Variants in TRIP4 observed in about 807,000 individuals in gnomAD.
The protein encoded by TRIP4 is thyroid hormone receptor interactor 4.
A neutral mutation model predicts 81.8 loss-of-function variants in TRIP4; 54 were observed. That is an observed-to-expected ratio of 0.66 (90% confidence interval 0.53 to 0.83). The LOEUF is 0.83. TRIP4 is among the 40% of genes least tolerant of loss of function. The pLI is 0.00. For missense variants in TRIP4, 662 were observed against 683.6 expected (o/e 0.97, Z 0.35); for synonymous variants, 270 against 242.8 (o/e 1.11, Z -1.04).
chr15:64,400,089 G>C (rs566528020), intron 4 of TRIP4, among the ~76,000 whole-genome samples: 1 of 151,342 alleles, frequency 6.6e-6, no homozygotes, highest in East Asian at 2.0e-4. Flanking sequence ...AAGCAACCCA[G>C]TTCTAATCAT....
Position 64,424,084 on chromosome 15 carries a change from C to T in TRIP4, c.1412C>T (p.Ala471Val), listed in dbSNP as rs1374047400. The T allele has an allele frequency of 1.2e-6, 2 of 1,614,110 alleles. No individual in the cohort carries two copies. Among genetic ancestry groups the T allele is most frequent in the Non-Finnish European group, 8.5e-7 (1 of 1,180,028 alleles). ...TPHRGRLWIA[A>V]TAKKPSPQEV... ...CACAGAGGACGACTTTGGATAGCAG[C>T]CACAGCTAAAAAACCCTCCCCTCAA... The change falls in exon 10 of 13, where the codon GCC becomes GTC. Residue 471 changes from alanine to valine, a missense_variant. Coordinates refer to ENST00000261884, the MANE Select transcript of TRIP4 (RefSeq NM_016213.5).
At chr15:64,429,201 C>G (rs948907106) in intron 11 of TRIP4, among the ~76,000 whole-genome samples, 2 of 151,994 alleles carry the variant, frequency 1.3e-5, no homozygotes, top group African/African-American at 4.8e-5. Context: ...CCTGTAATCT[C>G]AGCTTCTGGG....
chr15:64,402,522 CA>C (rs1566973789), intron 5 of TRIP4, among the ~76,000 whole-genome samples: 2 of 140,446 alleles, frequency 1.4e-5, no homozygotes, highest in Admixed American at 1.5e-4. Flanking sequence ...GCCCGGCCAA[CA>C]TTTTTTTTTT....
At chr15:64,410,732 A>G (rs1243097816) in intron 7 of TRIP4, among the ~76,000 whole-genome samples, 4 of 152,156 alleles carry the variant, frequency 2.6e-5, no homozygotes, top group Non-Finnish European at 5.9e-5. Flanking sequence ...AAGATATAAG[A>G]TATTTTAAAT....
intron 12 of TRIP4, among the ~76,000 whole-genome samples, chr15:64,445,511 G>A (rs914504332): frequency 1.0e-4 from 15 of 149,962 alleles, no homozygotes; most frequent in African/African-American, 3.2e-4. Context: ...GTGTGGTGGC[G>A]TGCGCCTGTA....
At chr15:64,435,203 G>A (rs1356737884) in intron 11 of TRIP4, among the ~76,000 whole-genome samples, 1 of 87,212 alleles carries the variant, frequency 1.1e-5, no homozygotes, top group African/African-American at 4.5e-5. Flanking sequence ...GACAGAGTGA[G>A]ACCCCATCTC....
intron 4 of TRIP4, among the ~76,000 whole-genome samples, chr15:64,400,167 G>T (rs1891456566): frequency 6.6e-6 from 1 of 151,334 alleles, no homozygotes; most frequent in African/African-American, 2.4e-5. Flanking sequence ...CAGAAGCCAG[G>T]TATGGTGGCT....
At chr15:64,406,273 G>C (rs1475110727) in intron 5 of TRIP4, 57 bp from the exon 6 acceptor site, 4 of 1,597,420 alleles carry the variant, frequency 2.5e-6, no homozygotes, top group Non-Finnish European at 3.4e-6. Flanking sequence ...TTGCACACTG[G>C]TACAACTAAT....
chr15:64,417,262 T>C (rs1020653124), intron 8 of TRIP4, among the ~76,000 whole-genome samples: 39 of 152,150 alleles, frequency 2.6e-4, no homozygotes, highest in Admixed American at 4.6e-4. Context: ...TCCTCCTGCC[T>C]TGGCCTCCTT....
At chr15:64,408,349 C>A (rs1423235882) in intron 6 of TRIP4, among the ~76,000 whole-genome samples, 1 of 148,056 alleles carries the variant, frequency 6.8e-6, no homozygotes, top group Non-Finnish European at 1.5e-5. Flanking sequence ...AGCTCCGCCC[C>A]CTGGACTCAC....
intron 11 of TRIP4, among the ~76,000 whole-genome samples, chr15:64,435,677 TTAAG>T (rs1892376276): frequency 6.7e-6 from 1 of 150,272 alleles, no homozygotes; most frequent in South Asian, 2.1e-4. Flanking sequence ...CTCTAGATCT[TTAAG>T]TATACTAGAT....
At chr15:64,437,411 C>T (rs1892426110) in intron 11 of TRIP4, among the ~76,000 whole-genome samples, 1 of 151,110 alleles carries the variant, frequency 6.6e-6, no homozygotes, top group Non-Finnish European at 1.5e-5. Context: ...GGTGAGACTC[C>T]ATCTCAAAAA....
chr15:64,422,512 T>C (rs1332143547), intron 9 of TRIP4, among the ~76,000 whole-genome samples: 1 of 152,230 alleles, frequency 6.6e-6, no homozygotes. Flanking sequence ...TCATAGTTCA[T>C]GTCTGTAAAC....
At position 64,387,897 on chromosome 15, in the gene TRIP4, C is replaced by G. The variant is rs758579041; in HGVS notation, c.34C>G (p.Leu12Val). ...AVAGAVSGEP[L>V]VHWCTQQLRK... Reference sequence around the variant, plus strand: ...GGCTGGGGCGGTGTCCGGGGAGCCGCTGGTGCACTGGTGCACCCAGCAGTT... The same window carrying G: ...GGCTGGGGCGGTGTCCGGGGAGCCGGTGGTGCACTGGTGCACCCAGCAGTT... Residue 12 changes from leucine to valine, a missense_variant, in exon 1 of 13, where the codon CTG becomes GTG. Leu to Val is a conservative substitution (Grantham distance 32). Coordinates refer to ENST00000261884, the MANE Select transcript of TRIP4 (RefSeq NM_016213.5). 6.5e-7 allele frequency: 1 copy of G among 1,549,912 alleles called. No homozygotes were observed. Among genetic ancestry groups the G allele is most frequent in the Non-Finnish European group, 8.7e-7 (1 of 1,147,006 alleles).
intron 12 of TRIP4, chr15:64,450,846 C>T (rs1892742755): frequency 5.2e-6 from 2 of 385,332 alleles, no homozygotes; most frequent in Non-Finnish European, 1.1e-5. Context: ...GCTGGTCTCA[C>T]TTGAGGGCTT....
At chr15:64,392,060 A>C (rs1256872379) in intron 1 of TRIP4, among the ~76,000 whole-genome samples, 1 of 150,506 alleles carries the variant, frequency 6.6e-6, no homozygotes, top group Non-Finnish European at 1.5e-5. Flanking sequence ...AAATCACTTG[A>C]GGTCAGGACT....
intron 11 of TRIP4, among the ~76,000 whole-genome samples, chr15:64,435,135 G>C (rs1892361250): frequency 6.8e-6 from 1 of 148,036 alleles, no homozygotes; most frequent in African/African-American, 2.5e-5. Flanking sequence ...AGGATCCCTT[G>C]AGCCGGGGAG....
intron 12 of TRIP4, among the ~76,000 whole-genome samples, chr15:64,452,676 A>G (rs1413468037): frequency 1.3e-5 from 2 of 152,208 alleles, no homozygotes; most frequent in Non-Finnish European, 1.5e-5. Flanking sequence ...TCTTTCTGGC[A>G]CAAGGTTTCC....
chr15:64,408,335 T>G (rs1247920210), intron 6 of TRIP4, among the ~76,000 whole-genome samples: 1 of 140,094 alleles, frequency 7.1e-6, no homozygotes. Context: ...CTCGGCTTAC[T>G]GCAAGCTCCG....
Sources: allele counts gnomAD v4.1 joint callset (sites outside exome capture counted in the v4.1 genomes callset), GRCh38; gene constraint gnomAD v4.1.1; transcripts MANE v1.5; gene names NCBI Gene and HGNC (gene_info 2026-07-23, HGNC 2026-07-21).